Variants in ANKS1B observed in about 807,000 individuals in gnomAD.
ANKS1B encodes ankyrin repeat and sterile alpha motif domain-containing protein 1B.
In ANKS1B, 36 loss-of-function variants were observed where a neutral mutation model predicts 148.3. That is an observed-to-expected ratio of 0.24 (90% CI 0.19 to 0.32). The LOEUF (loss-of-function observed/expected upper bound fraction) is 0.32, where lower values mean the gene tolerates loss of function less well. ANKS1B is among the 10% of genes least tolerant of loss of function. The pLI is 1.00. For synonymous variants in ANKS1B, 542 were observed against 560.8 expected, an observed-to-expected ratio of 0.97 and a Z score of 0.47; for missense variants, 1,157 against 1,542.6, an observed-to-expected ratio of 0.75 and a Z score of 4.19.
At chr12:99,549,015 T>A (rs951914461) in intron 9 of ANKS1B, among the ~76,000 whole-genome samples, 1 of 152,150 alleles carries the variant, frequency 6.6e-6, no homozygotes, top group Non-Finnish European at 1.5e-5. Flanking sequence ...GGCATACTAG[T>A]GGGGAACTGG....
chr12:99,412,097 T>C (rs1435373579), intron 11 of ANKS1B, among the ~76,000 whole-genome samples: 1 of 152,204 alleles, frequency 6.6e-6, no homozygotes, highest in East Asian at 1.9e-4. Context: ...TATTCCATTT[T>C]TAAAATAGCC....
chr12:98,999,644 G>T (rs2099931790), intron 17 of ANKS1B, among the ~76,000 whole-genome samples: 1 of 152,120 alleles, frequency 6.6e-6, no homozygotes, highest in African/African-American at 2.4e-5. Context: ...GATCTAAGGG[G>T]AATGGAAAAG....
chr12:99,527,735 G>C (rs977277190), intron 9 of ANKS1B, among the ~76,000 whole-genome samples: 3 of 152,084 alleles, frequency 2.0e-5, no homozygotes, highest in Non-Finnish European at 4.4e-5. Context: ...TGCAAAATTA[G>C]AATAGTAATA....
chr12:99,843,972 C>T (rs759493532), intron 1 of ANKS1B, among the ~76,000 whole-genome samples: 35 of 151,900 alleles, frequency 2.3e-4, no homozygotes, highest in Non-Finnish European at 4.9e-4. Flanking sequence ...TATCTCATGT[C>T]GTTTAGATTT....
At chr12:99,967,663 C>G (rs1603534517) in intron 1 of ANKS1B, among the ~76,000 whole-genome samples, 2 of 152,154 alleles carry the variant, frequency 1.3e-5, no homozygotes, top group African/African-American at 2.4e-5. Context: ...AATCCCAGCA[C>G]TTTGGGAGGC....
chr12:99,147,784 G>A (rs1226081656), intron 15 of ANKS1B, among the ~76,000 whole-genome samples: 1 of 152,008 alleles, frequency 6.6e-6, no homozygotes, highest in East Asian at 1.9e-4. Flanking sequence ...GGCATGAGGA[G>A]AAGTAGAAGA....
chr12:99,340,368 T>C (rs2089695573), intron 12 of ANKS1B, among the ~76,000 whole-genome samples: 1 of 152,124 alleles, frequency 6.6e-6, no homozygotes, highest in African/African-American at 2.4e-5. Context: ...AATTACTAGT[T>C]TCTCTTGGCC....
intron 14 of ANKS1B, among the ~76,000 whole-genome samples, chr12:99,178,771 G>A (rs1271285834): frequency 6.6e-6 from 1 of 152,020 alleles, no homozygotes; most frequent in Non-Finnish European, 1.5e-5. Flanking sequence ...CATGTAATAA[G>A]ATAACAAAAA....
intron 1 of ANKS1B, among the ~76,000 whole-genome samples, chr12:99,827,752 C>T (rs1335721045): frequency 2.0e-5 from 3 of 152,112 alleles, no homozygotes; most frequent in Non-Finnish European, 4.4e-5. Flanking sequence ...CCTATATTGA[C>T]AAGGATGTAG....
At chr12:99,537,915 T>C (rs2097088922) in intron 9 of ANKS1B, among the ~76,000 whole-genome samples, 1 of 152,134 alleles carries the variant, frequency 6.6e-6, no homozygotes, top group Non-Finnish European at 1.5e-5. Flanking sequence ...TCTTAATTCA[T>C]TTTTATTTGA....
At chr12:99,564,330 T>C (rs1477353932) in intron 9 of ANKS1B, among the ~76,000 whole-genome samples, 1 of 152,006 alleles carries the variant, frequency 6.6e-6, no homozygotes, top group Non-Finnish European at 1.5e-5. Flanking sequence ...TTAAAGAGAA[T>C]TGTATAGACG....
rs1011148273 is a variant in ANKS1B at position 98,879,611 on chromosome 12, A to C, written c.2779-47475T>G. 2.0e-5 allele frequency among the ~76,000 whole-genome samples: 3 copies of C among 152,190 alleles called. No individual in the cohort carries two copies. The South Asian group carries it at 6.2e-4, about 32-fold the overall frequency. On this transcript the variant is annotated intron_variant, in intron 17 of 26. Transcript: ENST00000683438. Reference sequence around the variant, plus strand: ...CTTGTTTTTTTTCCCCTCTCCTCCAATATCAATTCCTATTCCTCTTACGTT... The same window carrying C: ...CTTGTTTTTTTTCCCCTCTCCTCCACTATCAATTCCTATTCCTCTTACGTT...
intron 17 of ANKS1B, among the ~76,000 whole-genome samples, chr12:98,867,866 A>G (rs2099633264): frequency 6.6e-6 from 1 of 152,114 alleles, no homozygotes; most frequent in South Asian, 2.1e-4. Context: ...ATCTCAAAAA[A>G]AAAAAAAAAG....
intron 5 of ANKS1B, among the ~76,000 whole-genome samples, chr12:99,780,546 T>C (rs1450395721): frequency 6.6e-6 from 1 of 152,072 alleles, no homozygotes; most frequent in Non-Finnish European, 1.5e-5. Flanking sequence ...CCTCCCAAAG[T>C]GCTGGGATTA....
intron 17 of ANKS1B, among the ~76,000 whole-genome samples, chr12:98,958,434 C>A (rs2099866005): frequency 6.6e-6 from 1 of 152,180 alleles, no homozygotes; most frequent in African/African-American, 2.4e-5. Flanking sequence ...ACCCAGTTAT[C>A]ACTGTTGAAG....
chr12:99,427,562 A>G (rs369079560), intron 11 of ANKS1B, among the ~76,000 whole-genome samples: 32 of 152,118 alleles, frequency 2.1e-4, no homozygotes, highest in Non-Finnish European at 3.7e-4. Context: ...TGTGTAGTTA[A>G]TTTACAGCCC....
intron 2 of ANKS1B, 61 bp from the exon 3 acceptor site, chr12:99,812,372 G>C: frequency 2.0e-6 from 3 of 1,500,208 alleles, no homozygotes; most frequent in Non-Finnish European, 2.7e-6. Context: ...TATTAAATAG[G>C]TAATTTTAAA....
chr12:99,488,525 T>G (rs1320645700), intron 10 of ANKS1B, among the ~76,000 whole-genome samples: 1 of 152,204 alleles, frequency 6.6e-6, no homozygotes, highest in East Asian at 1.9e-4. Flanking sequence ...AGTACCTTTG[T>G]TTCTCTAGTT....
chr12:99,243,948 A>G (rs568245559), intron 14 of ANKS1B, among the ~76,000 whole-genome samples: 1 of 152,298 alleles, frequency 6.6e-6, no homozygotes, highest in Non-Finnish European at 1.5e-5. Flanking sequence ...CAGCAAACCA[A>G]CATGGCACAT....
Sources: allele counts gnomAD v4.1 joint callset (sites outside exome capture counted in the v4.1 genomes callset), GRCh38; gene constraint gnomAD v4.1.1; transcripts MANE v1.5; gene names NCBI Gene and HGNC (gene_info 2026-07-23, HGNC 2026-07-21).